Variants in CEP76 observed in about 807,000 individuals in gnomAD.
CEP76 encodes centrosomal protein 76.
In CEP76, 55 loss-of-function variants were observed where a neutral mutation model predicts 83.3. That is an observed-to-expected ratio of 0.66 (90% CI 0.53 to 0.83). The LOEUF is 0.83. Among genes scored for constraint, CEP76 ranks in the 40% least tolerant of loss-of-function variants. CEP76 has a pLI of 0.00. For synonymous variants in CEP76, 270 were observed against 274.5 expected, an observed-to-expected ratio of 0.98 and a Z score of 0.16; for missense variants, 694 against 799.5, an observed-to-expected ratio of 0.87 and a Z score of 1.59.
intron 6 of CEP76, among the ~76,000 whole-genome samples, chr18:12,694,416 G>A (rs2039876558): frequency 6.6e-6 from 1 of 152,064 alleles, no homozygotes; most frequent in Non-Finnish European, 1.5e-5. Context: ...CCAAACTAAA[G>A]ACTGGCAAGA....
At chr18:12,673,524 T>C (rs948115705) in intron 11 of CEP76, 21 bp from the exon 12 acceptor site, 1 of 1,538,578 alleles carries the variant, frequency 6.5e-7, no homozygotes, top group African/African-American at 1.4e-5. Flanking sequence ...AAAAAAAAAT[T>C]ATTCAATTAA....
intron 10 of CEP76, among the ~76,000 whole-genome samples, chr18:12,677,004 C>A (rs2039158260): frequency 6.6e-6 from 1 of 152,194 alleles, no homozygotes; most frequent in Non-Finnish European, 1.5e-5. Flanking sequence ...ATATGTGTTA[C>A]AAACAACTTT....
At chr18:12,693,538 A>T (rs2145081096) in intron 6 of CEP76, among the ~76,000 whole-genome samples, 1 of 152,312 alleles carries the variant, frequency 6.6e-6, no homozygotes, top group Middle Eastern at 3.4e-3. Context: ...CATGTATACC[A>T]CTTTGGGAGG....
At chr18:12,690,845 T>C (rs2145067646) in intron 7 of CEP76, among the ~76,000 whole-genome samples, 1 of 152,252 alleles carries the variant, frequency 6.6e-6, no homozygotes, top group African/African-American at 2.4e-5. Context: ...ATAGTTGAAA[T>C]GCTTCAGTTA....
chr18:12,668,780 C>G (rs1329561915), downstream of CEP76, among the ~76,000 whole-genome samples: 1 of 137,510 alleles, frequency 7.3e-6, no homozygotes, highest in Non-Finnish European at 1.6e-5. Flanking sequence ...GCTCTGTCAC[C>G]CAGGCTGGAG....
chr18:12,678,484 TAAA>T, intron 9 of CEP76, 42 bp from the exon 10 acceptor site: 1 of 1,371,226 alleles, frequency 7.3e-7, no homozygotes, highest in South Asian at 1.4e-5. Context: ...ACTTAAAAAT[TAAA>T]AAGGCAGCAT....
chr18:12,693,989 G>C (rs551211048), intron 6 of CEP76, among the ~76,000 whole-genome samples: 1 of 152,156 alleles, frequency 6.6e-6, no homozygotes, highest in South Asian at 2.1e-4. Context: ...GTACCACCAT[G>C]CTTGACTAAT....
intron 5 of CEP76, 56 bp downstream of exon 5, chr18:12,697,167 T>C: frequency 1.6e-6 from 2 of 1,213,082 alleles, no homozygotes; most frequent in South Asian, 3.0e-5. Context: ...ATAAAATATA[T>C]TTACAAATGA....
intron 12 of CEP76, among the ~76,000 whole-genome samples, chr18:12,663,769 G>T (rs1043924086): frequency 6.6e-6 from 1 of 151,974 alleles, no homozygotes; most frequent in Non-Finnish European, 1.5e-5. Flanking sequence ...CTGATTGATT[G>T]TGTGTATGTG....
At chr18:12,701,839 C>A (rs372668745) in intron 1 of CEP76, among the ~76,000 whole-genome samples, 1 of 152,328 alleles carries the variant, frequency 6.6e-6, no homozygotes, top group East Asian at 1.9e-4. Context: ...GGTAAAGAAA[C>A]CCTGATATCT....
intron 9 of CEP76, among the ~76,000 whole-genome samples, chr18:12,680,268 T>C (rs1207637402): frequency 6.6e-6 from 1 of 152,098 alleles, no homozygotes; most frequent in East Asian, 1.9e-4. Flanking sequence ...TCAAGTACCA[T>C]CAATATGGAC....
intron 8 of CEP76, among the ~76,000 whole-genome samples, chr18:12,683,892 AAATAT>A (rs1326698306): frequency 2.0e-5 from 3 of 151,938 alleles, no homozygotes; most frequent in Non-Finnish European, 2.9e-5. Flanking sequence ...ACAGCAGAAA[AAATAT>A]AAAAAGAAAT....
intron 2 of CEP76, 92 bp downstream of exon 2, chr18:12,700,866 A>G: frequency 9.6e-7 from 1 of 1,046,498 alleles, no homozygotes; most frequent in Non-Finnish European, 1.4e-6. Context: ...GTTTTACTAA[A>G]ACGAAAGGCC....
chr18:12,665,507 T>C (rs1437379997), intron 12 of CEP76, among the ~76,000 whole-genome samples: 2 of 152,204 alleles, frequency 1.3e-5, no homozygotes, highest in Non-Finnish European at 2.9e-5. Context: ...CTTTCCCTTA[T>C]GTGCCATACC....
rs1230871076 is a variant in CEP76, at chr18:12,672,837, G to A, written c.*528C>T. The A allele has an allele frequency of 1.0e-6, 1 of 984,592 alleles. No individual in the cohort carries two copies. Among genetic ancestry groups the A allele is most frequent in the African/African-American group, 1.7e-5 (1 of 57,172 alleles). The allele number at this position is 984,592 out of a possible 1,614,324, so 61.0% of individuals were successfully genotyped here. On this transcript the variant is annotated 3_prime_UTR_variant, in exon 12 of 12. Transcript: ENST00000262127. ...CTTCAAGGTCCAACCATAAATTTCT[G>A]GACAGTCTCAAATATCCCAAGGACC... is the stretch of plus-strand genomic sequence containing the variant.
chr18:12,698,708 A>G (rs2040046261), intron 4 of CEP76: 6 of 376,566 alleles, frequency 1.6e-5, no homozygotes, highest in Non-Finnish European at 2.9e-5. Flanking sequence ...CCTGCCTAGC[A>G]TAACACTATG....
chr18:12,674,899 T>A, intron 10 of CEP76, 146 bp from the exon 11 acceptor site: 2 of 498,458 alleles, frequency 4.0e-6, no homozygotes, highest in Non-Finnish European at 6.8e-6. Flanking sequence ...ATTATAGGGA[T>A]ACATAGAAAT....
chr18:12,683,817 C>T (rs1448770484), intron 8 of CEP76, among the ~76,000 whole-genome samples: 1 of 150,900 alleles, frequency 6.6e-6, no homozygotes, highest in Non-Finnish European at 1.5e-5. Context: ...TAGCATAATG[C>T]TTAATTATAA....
At chr18:12,698,300 C>G (rs1290409206) in intron 4 of CEP76, among the ~76,000 whole-genome samples, 3 of 151,804 alleles carry the variant, frequency 2.0e-5, no homozygotes, top group Non-Finnish European at 2.9e-5. Flanking sequence ...GTGATCTCGG[C>G]TCATTACACG....
Sources: gnomAD v4.1 joint callset for allele counts (sites outside exome capture counted in the v4.1 genomes callset) on GRCh38, gnomAD v4.1.1 for gene constraint, MANE v1.5 for transcripts, NCBI Gene and HGNC (gene_info 2026-07-23, HGNC 2026-07-21) for gene names.